The following TAF6 variants were observed in gnomAD, a reference collection of about 807,000 sequenced individuals.
TAF6 encodes transcription initiation factor TFIID subunit 6.
TAF6 carries 50 observed loss-of-function variants against 73.5 expected under a neutral mutation model. That is an observed-to-expected ratio of 0.68 (90% CI 0.54 to 0.86). TAF6 has a LOEUF of 0.86. Among genes scored for constraint, TAF6 ranks in the 40% least tolerant of loss-of-function variants. The pLI is 0.00. For synonymous variants in TAF6, 424 were observed against 376.7 expected (o/e 1.13, Z -1.45); for missense variants, 768 against 899.5 (o/e 0.85, Z 1.87).
chr7:100,119,508 T>C (rs913313207), upstream of TAF6: 4 of 1,335,746 alleles, frequency 3.0e-6, no homozygotes, highest in Non-Finnish European at 2.0e-6. Context: ...CTTGGTGTAA[T>C]TACTGCAATT....
chr7:100,126,273 C>G, the TAF6 span, among the ~76,000 whole-genome samples: 4 of 152,066 alleles, frequency 2.6e-5, 1 homozygote, highest in African/African-American at 9.7e-5. Context: ...ACCCAGGAGG[C>G]GGAGGTTGCA....
upstream of TAF6, chr7:100,119,675 A>C: frequency 6.2e-7 from 1 of 1,611,714 alleles, no homozygotes; most frequent in Non-Finnish European, 8.5e-7. Flanking sequence ...CCGCCTGGGA[A>C]TTTAAGGGAC....
rs539978585 is a variant in TAF6 at position 100,117,648 on chromosome 7, T to G, written c.-60+1556A>C. ...ACATCATAAATATTTGTGAAGTAAA[T>G]GAATTAGTTGTAAGGCTTAGAGATA... On this transcript the variant is annotated intron_variant, in intron 1 of 14. Coordinates refer to ENST00000453269, the MANE Select transcript of TAF6 (RefSeq NM_139315.3). 3.3e-5 allele frequency among the ~76,000 whole-genome samples: 5 copies of G among 152,058 alleles called. No homozygotes were observed. The South Asian group carries it at 1.0e-3, about 32-fold the overall frequency.
intron 7 of TAF6, 37 bp from the exon 8 acceptor site, chr7:100,112,036 A>G: frequency 1.2e-6 from 2 of 1,613,666 alleles, no homozygotes; most frequent in Non-Finnish European, 1.7e-6. Flanking sequence ...TGGGGGTGGG[A>G]TGTGGGGAGC....
At chr7:100,122,558 G>A, upstream of TAF6, 1 of 1,611,152 alleles carries the variant, frequency 6.2e-7, no homozygotes. Flanking sequence ...GAGCGCAAGG[G>A]CTCACTGAGA....
At chr7:100,114,424 A>C (rs965741753) in intron 1 of TAF6, 156 bp from the exon 2 acceptor site, 7 of 783,158 alleles carry the variant, frequency 8.9e-6, no homozygotes, top group Non-Finnish European at 1.5e-5. Context: ...AAAGATACAA[A>C]TCTGGGCTGG....
intron 12 of TAF6, 97 bp from the exon 13 acceptor site, chr7:100,108,637 G>T: frequency 7.2e-7 from 1 of 1,393,658 alleles, no homozygotes; most frequent in Non-Finnish European, 9.7e-7. Context: ...CCTTGGGGAT[G>T]GGGTAAAAAA....
upstream of TAF6, chr7:100,123,037 T>G: frequency 9.7e-7 from 1 of 1,030,846 alleles, no homozygotes; most frequent in African/African-American, 1.6e-5. Context: ...GACTGTGCCA[T>G]TGATTAAAGT....
At chr7:100,124,391 G>A, upstream of TAF6, 2 of 708,420 alleles carry the variant, frequency 2.8e-6, no homozygotes, top group Non-Finnish European at 5.0e-6. Context: ...CATCTAGTAG[G>A]CCAAACTTAG....
intron 10 of TAF6, 144 bp downstream of exon 10, chr7:100,110,995 A>AG: frequency 1.3e-6 from 1 of 742,832 alleles, no homozygotes; most frequent in Non-Finnish European, 2.1e-6. Context: ...AAAAAAAAAA[A>AG]GGTATTACAG....
At chr7:100,111,850 G>A in intron 8 of TAF6, 21 bp from the exon 9 acceptor site, 1 of 1,614,182 alleles carries the variant, frequency 6.2e-7, no homozygotes, top group Non-Finnish European at 8.5e-7. Flanking sequence ...GAGAAGTGCT[G>A]GGCATGGGGC....
chr7:100,124,555 C>T, upstream of TAF6: 1 of 1,612,898 alleles, frequency 6.2e-7, no homozygotes, highest in East Asian at 2.2e-5. Flanking sequence ...TTGTGGGAGA[C>T]TGGTACTTCC....
chr7:100,119,859 G>A (rs1562937146), upstream of TAF6: 8 of 1,611,052 alleles, frequency 5.0e-6, no homozygotes, highest in East Asian at 8.9e-5. Flanking sequence ...CAGCAAATGC[G>A]AAGGTATTTG....
rs534341292 is a variant in TAF6, at chr7:100,118,887, C to G, written c.-60+317G>C. ...CAACTATTCGAGACATACTCTGTGC[C>G]TGGCGCCGGGTTTACAAGAGGGGGT... On this transcript the variant is annotated intron_variant, in intron 1 of 14. Transcript: ENST00000453269. The G allele has an allele frequency of 5.2e-5, 51 of 985,298 alleles. No individual in the cohort carries two copies. In the South Asian group the frequency reaches 2.3e-3, roughly 44 times the overall value. 61.0% of individuals were successfully genotyped at this position (985,298 alleles called of 1,614,324 possible). A position where few individuals can be genotyped will look rare whatever the true frequency, so the allele number is the denominator to read the frequency against.
intron 2 of TAF6, 46 bp from the exon 3 acceptor site, chr7:100,114,000 G>A (rs577758484): frequency 3.7e-5 from 60 of 1,614,090 alleles, no homozygotes; most frequent in African/African-American, 2.0e-4. Context: ...TCCTAAGGAC[G>A]GGGCCCTGGG....
At position 100,107,570 on chromosome 7, in the gene TAF6, G is replaced by A. The variant is rs138356641; in HGVS notation, c.1710C>T (p.Pro570=). ...GCACGCTGGGGACGGTGGTGGTGAC[G>A]GGCGAAGTGGTGGTGGAACCTGAGC... is the stretch of plus-strand genomic sequence containing the variant. ...APGSGSTTTS[P]VTTTVPSVQP... is the part of the protein sequence containing the mutation. Residue 570 remains proline (P), a synonymous_variant, in exon 15 of 15, where the codon CCC becomes CCT. Transcript: ENST00000453269. 73 of 1,613,800 alleles carry A rather than the reference G, an allele frequency of 4.5e-5. No homozygotes were observed. The highest frequency in any genetic ancestry group is 6.7e-5 in the East Asian group (3 of 44,896).
At chr7:100,119,988 A>C (rs1331104599), upstream of TAF6, 2 of 808,542 alleles carry the variant, frequency 2.5e-6, no homozygotes, top group Non-Finnish European at 1.8e-6. Context: ...GTTCTGGTGG[A>C]GCTTGGCTGA....
intron 10 of TAF6, among the ~76,000 whole-genome samples, chr7:100,110,836 G>A (rs541573855): frequency 1.4e-4 from 21 of 151,994 alleles, no homozygotes; most frequent in African/African-American, 5.1e-4. Context: ...AAAAAAATTA[G>A]CCAGTTGTGG....
chr7:100,113,300 G>A (rs1287071391), intron 5 of TAF6, 49 bp downstream of exon 5: 2 of 1,502,112 alleles, frequency 1.3e-6, no homozygotes, highest in Non-Finnish European at 1.8e-6. Context: ...AAAGGTGGAA[G>A]GAAGGGGAAA....
Sources: gnomAD v4.1 joint callset for allele counts (sites outside exome capture counted in the v4.1 genomes callset) on GRCh38, gnomAD v4.1.1 for gene constraint, MANE v1.5 for transcripts, NCBI Gene and HGNC (gene_info 2026-07-23, HGNC 2026-07-21) for gene names.